ERC1: variants seen among roughly 807,000 people sequenced by gnomAD.
ERC1 encodes ELKS/RAB6-interacting/CAST family member 1, also known as RAB6 interacting protein 2.
Under a neutral mutation model 132.0 loss-of-function variants are expected in ERC1, and 56 were observed. That is an observed-to-expected ratio of 0.42 (90% CI 0.34 to 0.53). The LOEUF (loss-of-function observed/expected upper bound fraction) is 0.53, where lower values mean the gene tolerates loss of function less well. Ranked by LOEUF, ERC1 falls within the 20% of genes least tolerant of loss-of-function variation. The pLI, the probability that ERC1 is intolerant of heterozygous loss-of-function variation, is 0.03. For missense variants in ERC1, 1,202 were observed against 1,349.9 expected (o/e 0.89, Z 1.72); for synonymous variants, 478 against 476.1 (o/e 1.00, Z -0.05).
intron 18 of ERC1, among the ~76,000 whole-genome samples, chr12:1,460,599 C>T (rs569910016): frequency 6.6e-6 from 1 of 152,106 alleles, no homozygotes; most frequent in Non-Finnish European, 1.5e-5. Context: ...GATCTCTCCA[C>T]AAAAAGAATG....
At chr12:1,234,431 A>G (rs531981395) in intron 12 of ERC1, among the ~76,000 whole-genome samples, 1 of 152,330 alleles carries the variant, frequency 6.6e-6, no homozygotes, top group African/African-American at 2.4e-5. Flanking sequence ...GCCCAATGGT[A>G]AGTTGAGGAG....
intron 13 of ERC1, among the ~76,000 whole-genome samples, chr12:1,243,456 G>A: frequency 6.6e-6 from 1 of 151,978 alleles, no homozygotes. Context: ...GCTATGTAGG[G>A]ATGTAATGAA....
At chr12:1,005,781 TATA>T (rs1335426207) in intron 1 of ERC1, among the ~76,000 whole-genome samples, 1 of 152,176 alleles carries the variant, frequency 6.6e-6, no homozygotes, top group Non-Finnish European at 1.5e-5. Flanking sequence ...GCAGGTAAAG[TATA>T]ATGATATTAT....
At chr12:1,460,814 A>G (rs950080595) in intron 18 of ERC1, among the ~76,000 whole-genome samples, 2 of 151,890 alleles carry the variant, frequency 1.3e-5, no homozygotes, top group East Asian at 1.9e-4. Context: ...CAGTATTTGA[A>G]TGTGACATCC....
At chr12:1,214,456 A>G (rs1435558241) in intron 12 of ERC1, among the ~76,000 whole-genome samples, 1 of 152,174 alleles carries the variant, frequency 6.6e-6, no homozygotes, top group Non-Finnish European at 1.5e-5. Context: ...ATGGTATTAT[A>G]TTTAGCATAG....
chr12:1,438,113 C>T (rs535757184), intron 17 of ERC1, among the ~76,000 whole-genome samples: 1 of 152,304 alleles, frequency 6.6e-6, no homozygotes, highest in East Asian at 1.9e-4. Flanking sequence ...GAACTCCATT[C>T]TTTCACAAAA....
intron 3 of ERC1, among the ~76,000 whole-genome samples, chr12:1,097,749 C>T (rs1395559515): frequency 1.4e-5 from 2 of 148,130 alleles, no homozygotes; most frequent in African/African-American, 2.5e-5. Context: ...GAGTCTCACT[C>T]TGTTGCCCAA....
rs2094206365 is a variant in ERC1 at position 1,485,811 on chromosome 12, CACTT to C, written c.3214-4279_3214-4276del. 2.0e-5 allele frequency among the ~76,000 whole-genome samples: 3 copies of C among 152,200 alleles called. No individual in the cohort carries two copies. The South Asian group carries it at 6.2e-4, about 31-fold the overall frequency. ...CCTTTATGACTTCTGAATTTAAAAG[CACTT>C]ACCCTCCTCTCCAAAATAAAGCTAA... On this transcript the variant is annotated intron_variant, in intron 18 of 18. Coordinates refer to ENST00000360905, the MANE Select transcript of ERC1 (RefSeq NM_178040.4).
rs115651062 is a variant in ERC1 at position 1,031,965 on chromosome 12, T to G, written c.669+3393T>G. Among the ~76,000 whole-genome samples, 938 of 152,226 alleles carry G rather than the reference T, an allele frequency of 6.2e-3. 11 individuals carry two copies. Among genetic ancestry groups the G allele is most frequent in the African/African-American group, 0.021 (863 of 41,536 alleles). Reference sequence around the variant, plus strand: ...TCTCTGGAGATGGGGTCCAGGAACTTATGTTTCGAACAAGCTTCTCTGGTG... The same window carrying G: ...TCTCTGGAGATGGGGTCCAGGAACTGATGTTTCGAACAAGCTTCTCTGGTG... On this transcript the variant is annotated intron_variant, in intron 2 of 18. Coordinates refer to ENST00000360905, the MANE Select transcript of ERC1 (RefSeq NM_178040.4).
intron 17 of ERC1, among the ~76,000 whole-genome samples, chr12:1,424,890 A>ATAGG (rs1289038351): frequency 2.7e-5 from 4 of 149,978 alleles, no homozygotes; most frequent in Non-Finnish European, 4.4e-5. Flanking sequence ...AGATAGATAG[A>ATAGG]TAGATAGATA....
intron 1 of ERC1, among the ~76,000 whole-genome samples, chr12:1,001,316 C>T (rs981621667): frequency 1.3e-5 from 2 of 152,200 alleles, no homozygotes; most frequent in African/African-American, 4.8e-5. Flanking sequence ...TCTTGGCCTC[C>T]CAAAATGCTG....
intron 2 of ERC1, among the ~76,000 whole-genome samples, chr12:1,060,459 G>A (rs1161246812): frequency 1.3e-5 from 2 of 152,032 alleles, no homozygotes; most frequent in Admixed American, 6.6e-5. Context: ...AGTTTACTGA[G>A]AATGATGGTT....
intron 15 of ERC1, among the ~76,000 whole-genome samples, chr12:1,296,010 G>GAAAAAAA (rs77971645): frequency 1.5e-4 from 14 of 90,488 alleles, no homozygotes; most frequent in African/African-American, 2.7e-4. Flanking sequence ...TGGTTTAACA[G>GAAAAAAA]AAAAAAAAAA....
At chr12:1,238,458 A>G (rs2075574353) in intron 13 of ERC1, among the ~76,000 whole-genome samples, 1 of 151,890 alleles carries the variant, frequency 6.6e-6, no homozygotes, top group African/African-American at 2.4e-5. Flanking sequence ...TGTGGTGAGG[A>G]TATTTTTTCT....
intron 15 of ERC1, among the ~76,000 whole-genome samples, chr12:1,358,950 TC>T (rs1280025014): frequency 1.5e-5 from 2 of 133,184 alleles, no homozygotes; most frequent in Non-Finnish European, 3.1e-5. Context: ...ACATAAATCT[TC>T]TTACATCGAC....
At chr12:1,413,993 G>T (rs1189903194) in intron 17 of ERC1, among the ~76,000 whole-genome samples, 1 of 152,182 alleles carries the variant, frequency 6.6e-6, no homozygotes, top group African/African-American at 2.4e-5. Context: ...TCAGGCATCA[G>T]TTAGATTCTC....
chr12:1,104,179 T>A (rs1221552627), intron 3 of ERC1, among the ~76,000 whole-genome samples: 1 of 152,034 alleles, frequency 6.6e-6, no homozygotes, highest in African/African-American at 2.4e-5. Context: ...CCTGAACTAC[T>A]TAGGAAACTT....
At chr12:1,155,154 C>T (rs763614999) in intron 8 of ERC1, among the ~76,000 whole-genome samples, 20 of 151,900 alleles carry the variant, frequency 1.3e-4, no homozygotes, top group Non-Finnish European at 2.5e-4. Flanking sequence ...GGCGAAACCC[C>T]ATATCTACTA....
chr12:1,440,457 T>G (rs12370148), intron 17 of ERC1, among the ~76,000 whole-genome samples: 1 of 150,300 alleles, frequency 6.7e-6, no homozygotes, highest in Non-Finnish European at 1.5e-5. Context: ...CTGCCCTCCT[T>G]GGCCTCCCAA....
Sources: allele counts gnomAD v4.1 joint callset (sites outside exome capture counted in the v4.1 genomes callset), GRCh38; gene constraint gnomAD v4.1.1; transcripts MANE v1.5; gene names NCBI Gene and HGNC (gene_info 2026-07-23, HGNC 2026-07-21).